LILRB3: variants seen among roughly 807,000 people sequenced by gnomAD.
LILRB3 encodes the protein leukocyte immunoglobulin-like receptor subfamily B member 3.
LILRB3 carries 32 observed loss-of-function variants against 68.2 expected under a neutral mutation model. That is an observed-to-expected ratio of 0.47 (90% confidence interval 0.35 to 0.63). The LOEUF (loss-of-function observed/expected upper bound fraction) is 0.63, where lower values mean the gene tolerates loss of function less well. Among genes scored for constraint, LILRB3 ranks in the 30% least tolerant of loss-of-function variants. The pLI, the probability that LILRB3 is intolerant of heterozygous loss-of-function variation, is 0.00. For synonymous variants in LILRB3, 185 were observed against 323.1 expected (o/e 0.57, Z 4.58); for missense variants, 502 against 791.3 (o/e 0.63, Z 4.39).
Position 54,218,938 on chromosome 19 carries a change from A to G in LILRB3, c.1427-100T>C, listed in dbSNP as rs1002063044. On this transcript the variant is annotated intron_variant, in intron 8 of 12. Coordinates refer to ENST00000445347, the Ensembl canonical transcript of LILRB3. ...GAAGGAAAACTAAAAATATTCCTGC[A>G]TGGATGTTCCAAATATTTTATGAGA... The G allele has an allele frequency of 2.5e-6, 4 of 1,570,996 alleles. No individual in the cohort carries two copies. In the African/African-American group the frequency reaches 4.1e-5, roughly 16 times the overall value.
In LILRB3 at chr19:54,218,683, C is replaced by G; in HGVS notation, c.1503-1G>C. The G allele has an allele frequency of 1.2e-6, 2 of 1,614,176 alleles. No individual in the cohort carries two copies. Among genetic ancestry groups the G allele is most frequent in the Non-Finnish European group, 1.7e-6 (2 of 1,180,036 alleles). The stretch of plus-strand genomic sequence containing the variant: ...CTGGACGTCAGCAGCTGGGCTGGAC[C>G]TGGAGGAGGACATGGGAGTGTGAGG... On this transcript the variant is annotated splice_acceptor_variant, in intron 9 of 12. Transcript: ENST00000445347. LOFTEE classifies it high-confidence loss of function.
At chr19:54,219,048 C>G in intron 8 of LILRB3, 81 bp downstream of exon 8, 3 of 1,538,138 alleles carry the variant, frequency 2.0e-6, no homozygotes, top group Non-Finnish European at 2.6e-6. Context: ...AAACTGACAC[C>G]CCTGTGTGTT....
exon 13 of LILRB3, chr19:54,216,954 A>G (rs1009704501): frequency 9.3e-6 from 14 of 1,504,198 alleles, no homozygotes; most frequent in Middle Eastern, 3.6e-4. Flanking sequence ...GAGTCCCACA[A>G]GTTCCCAGCG....
In LILRB3 at chr19:54,218,819, G is replaced by A. The variant is rs752006520; in HGVS notation, c.1446C>T (p.Phe482=). ...TCTCCGCAGCCCCTGCAGGACGCTG[G>A]AAATCAGTCTTTCTCTGGTCTGGGT... The change falls in exon 9 of 13, where the codon TTC becomes TTT. Residue 482 remains phenylalanine (F), a synonymous_variant. Coordinates refer to ENST00000445347, the Ensembl canonical transcript of LILRB3. The A allele has an allele frequency of 4.3e-6, 7 of 1,613,986 alleles. No homozygotes were observed. In the African/African-American group the frequency reaches 9.3e-5, roughly 22 times the overall value.
rs752835487 is a variant in LILRB3, at chr19:54,221,069, G to T, written c.955+14C>A. ...AGAGCCTGGGTCCCTGACTGAACCC[G>T]CTGGGCTCCTCACCTGTGATCAGGA... On this transcript the variant is annotated intron_variant, in intron 5 of 12. Coordinates refer to ENST00000445347, the Ensembl canonical transcript of LILRB3. The T allele has an allele frequency of 1.5e-6, 2 of 1,368,062 alleles. No homozygotes were observed. The highest frequency in any genetic ancestry group is 1.9e-6 in the Non-Finnish European group (2 of 1,030,822). 84.7% of individuals were successfully genotyped at this position (1,368,062 alleles called of 1,614,324 possible). A position where few individuals can be genotyped will look rare whatever the true frequency, so the allele number is the denominator to read the frequency against.
intron 7 of LILRB3, 110 bp from the exon 8 acceptor site, chr19:54,219,355 C>T (rs752714246): frequency 7.2e-5 from 107 of 1,475,986 alleles, no homozygotes; most frequent in African/African-American, 5.7e-4. Context: ...CACAAGCAGT[C>T]GTGCAACATG....
At chr19:54,218,299 T>G in intron 11 of LILRB3, 62 bp downstream of exon 11, 1 of 1,602,380 alleles carries the variant, frequency 6.2e-7, no homozygotes, top group East Asian at 2.2e-5. Flanking sequence ...GACAGAGAAG[T>G]CCTGCAGGAT....
At chr19:54,219,565 T>G (rs1320585295) in intron 7 of LILRB3, 11 of 1,549,504 alleles carry the variant, frequency 7.1e-6, no homozygotes, top group Non-Finnish European at 9.6e-6. Flanking sequence ...ACCACGGCCC[T>G]GCTCCCCTCC....
rs773420875 is a variant in LILRB3, at chr19:54,218,854, CA to C, written c.1427-17del. 8.6e-5 allele frequency: 138 copies of C among 1,613,802 alleles called. No individual in the cohort carries two copies. Among genetic ancestry groups the C allele is most frequent in the Non-Finnish European group, 1.1e-4 (129 of 1,179,850 alleles). On this transcript the variant is annotated splice_polypyrimidine_tract_variant and intron_variant, in intron 8 of 12. Coordinates refer to ENST00000445347, the Ensembl canonical transcript of LILRB3. ...TTTCTCTGGTCTGGGTGAAGATGGACAGAGTCTCAGCCCTGGGAACATTAGA... is the reference window on the plus strand; with the variant it reads ...TTTCTCTGGTCTGGGTGAAGATGGACGAGTCTCAGCCCTGGGAACATTAGA...
chr19:54,219,455 G>A (rs865782949), intron 7 of LILRB3: 30 of 1,536,644 alleles, frequency 2.0e-5, no homozygotes, highest in East Asian at 4.9e-5. Context: ...GCGAGGAAGC[G>A]GCAGAGCTGG....
At chr19:54,218,477 C>T (rs2077715372) in intron 10 of LILRB3, 64 bp from the exon 11 acceptor site, 1 of 1,609,322 alleles carries the variant, frequency 6.2e-7, no homozygotes, top group Non-Finnish European at 8.5e-7. Flanking sequence ...CTGCTGGCCC[C>T]CTGCCCTGCT....
chr19:54,222,718 G>C lies in LILRB3; in HGVS notation c.70+29C>G. The stretch of plus-strand genomic sequence containing the variant: ...GGCCCCCTGTCCCAGTGAGGAGTAG[G>C]GACCTGGGACAGCTGGGGACAGACT... On this transcript the variant is annotated intron_variant, in intron 2 of 12. Transcript: ENST00000445347. 1.2e-6 allele frequency: 2 copies of C among 1,612,562 alleles called. 1 individual carries two copies. The highest frequency in any genetic ancestry group is 1.7e-6 in the Non-Finnish European group (2 of 1,179,874).
chr19:54,219,356 G>C, intron 7 of LILRB3, 111 bp from the exon 8 acceptor site: 5 of 1,472,232 alleles, frequency 3.4e-6, no homozygotes, highest in Non-Finnish European at 4.6e-6. Flanking sequence ...ACAAGCAGTC[G>C]TGCAACATGG....
At chr19:54,219,592 G>C (rs140191371) in intron 7 of LILRB3, 2 of 1,545,130 alleles carry the variant, frequency 1.3e-6, no homozygotes, top group African/African-American at 1.4e-5. Flanking sequence ...CCAGGTCACC[G>C]TCACTGCTGC....
rs4023899 is a variant in LILRB3 at position 54,221,963 on chromosome 19, C to A, written c.523G>T (p.Gly175Trp). The A allele has an allele frequency of 1.7e-5, 28 of 1,600,162 alleles. 2 individuals carry two copies. In the East Asian group the frequency reaches 2.3e-4, roughly 13 times the overall value. The change falls in exon 4 of 13, where the codon GGG becomes TGG. Residue 175 changes from glycine (G) to tryptophan (W), a missense_variant. By Grantham distance (184) the Gly-to-Trp change is radical (BLOSUM62 -2). Around this residue, in one of 8 missense-constraint regions of LILRB3, gnomAD observed 37 missense variants for 59.4 expected, o/e 0.62. Transcript: ENST00000445347. ...ACAGGGAACAGGGCCTGGAACCCCC[C>A]ACTGTGGAGCTGCTGTGAGTCCAGG...
At chr19:54,218,184 C>G (rs543426575) in intron 11 of LILRB3, among the ~76,000 whole-genome samples, 177 bp downstream of exon 11, 2 of 152,030 alleles carry the variant, frequency 1.3e-5, no homozygotes, top group South Asian at 4.1e-4. Flanking sequence ...AGGAGGCCCA[C>G]GAGGTCCCAG....
At chr19:54,222,423 G>A in exon 3 of LILRB3, 2 of 1,608,418 alleles carry the variant, frequency 1.2e-6, no homozygotes, top group Non-Finnish European at 1.7e-6. Flanking sequence ...GGTTATTTCT[G>A]TCCCAGGGCT....
In LILRB3 at chr19:54,222,753, G is replaced by A. The variant is rs1267737467; in HGVS notation, c.64C>T (p.Gln22Ter). Residue 22 changes from glutamine (Q) to a stop codon, truncating the protein, a stop_gained, in exon 2 of 13, where the codon CAG (glutamine) becomes TAG (stop). Transcript: ENST00000445347. LOFTEE classifies it high-confidence loss of function. The stretch of plus-strand genomic sequence containing the variant: ...CAGCTGGGGACAGACTCACCTGCCT[G>A]CATGCGGGTCCTGGGGCCCAGACTC... 6.2e-7 allele frequency: 1 copy of A among 1,612,448 alleles called. No homozygotes were observed. The highest frequency in any genetic ancestry group is 1.4e-5 in the African/African-American group (1 of 73,628).
At chr19:54,221,693 G>A in intron 4 of LILRB3, 135 bp downstream of exon 4, 2 of 1,589,050 alleles carry the variant, frequency 1.3e-6, no homozygotes, top group Non-Finnish European at 1.7e-6. Context: ...GCCTCCCCAT[G>A]GGGTCTCCCT....
Sources: gnomAD v4.1 joint callset for allele counts (sites outside exome capture counted in the v4.1 genomes callset) on GRCh38, gnomAD v4.1.1 for gene constraint, gnomAD v4.1.1 regional missense constraint, MANE v1.5 for transcripts, NCBI Gene and HGNC (gene_info 2026-07-23, HGNC 2026-07-21) for gene names.